The following CNTN5 variants were observed in gnomAD, a reference collection of about 807,000 sequenced individuals.
The protein encoded by CNTN5 is contactin-5.
In CNTN5, 77 loss-of-function variants were observed where a neutral mutation model predicts 129.1. The ratio of observed to expected loss-of-function variants is 0.60; its 90% CI spans 0.50 to 0.72. CNTN5 has a LOEUF of 0.72. Among genes scored for constraint, CNTN5 ranks in the 30% least tolerant of loss-of-function variants. CNTN5 has a pLI of 0.00. For synonymous variants in CNTN5, 509 were observed against 465.6 expected (o/e 1.09, Z -1.20); for missense variants, 1,478 against 1,328.8 (o/e 1.11, Z -1.75).
chr11:100,076,750 T>G (rs1486308953), intron 13 of CNTN5, among the ~76,000 whole-genome samples: 1 of 152,052 alleles, frequency 6.6e-6, no homozygotes, highest in Non-Finnish European at 1.5e-5. Flanking sequence ...GATCTACATG[T>G]TTTAGGTCAA....
intron 3 of CNTN5, among the ~76,000 whole-genome samples, chr11:99,699,921 C>G (rs1432150447): frequency 1.3e-5 from 2 of 151,484 alleles, no homozygotes; most frequent in East Asian, 3.9e-4. Flanking sequence ...GTGCTTCATT[C>G]CACTGAGAGC....
chr11:99,767,410 T>A (rs528135794), intron 3 of CNTN5, among the ~76,000 whole-genome samples: 1 of 152,224 alleles, frequency 6.6e-6, no homozygotes, highest in East Asian at 1.9e-4. Context: ...AAAAGAAAGC[T>A]GGTGTCAACA....
At chr11:99,123,337 T>A (rs1858452617) in intron 1 of CNTN5, among the ~76,000 whole-genome samples, 1 of 152,114 alleles carries the variant, frequency 6.6e-6, no homozygotes, top group Non-Finnish European at 1.5e-5. Context: ...TGGCCACATG[T>A]ATGTCTTCTT....
intron 1 of CNTN5, among the ~76,000 whole-genome samples, chr11:99,161,825 C>T (rs762170531): frequency 1.3e-5 from 2 of 152,130 alleles, no homozygotes; most frequent in Non-Finnish European, 2.9e-5. Flanking sequence ...AAGAAACTTG[C>T]TAATATCATA....
intron 3 of CNTN5, among the ~76,000 whole-genome samples, chr11:99,762,381 G>A (rs1944611109): frequency 6.6e-6 from 1 of 151,978 alleles, no homozygotes; most frequent in Non-Finnish European, 1.5e-5. Flanking sequence ...TTTTCTTTTA[G>A]GGTTTTTATG....
intron 1 of CNTN5, among the ~76,000 whole-genome samples, chr11:99,159,438 C>A (rs996016077): frequency 2.0e-5 from 3 of 151,890 alleles, no homozygotes; most frequent in African/African-American, 7.3e-5. Context: ...CTGGCTAACG[C>A]GGTGAAGCCC....
chr11:99,496,005 T>TAC (rs1219664885), intron 2 of CNTN5, among the ~76,000 whole-genome samples: 1 of 152,146 alleles, frequency 6.6e-6, no homozygotes, highest in African/African-American at 2.4e-5. Flanking sequence ...TGGGAAAGGG[T>TAC]ACACATTTTT....
intron 3 of CNTN5, among the ~76,000 whole-genome samples, chr11:99,663,454 C>A (rs373673054): frequency 1.3e-5 from 2 of 152,054 alleles, no homozygotes; most frequent in Admixed American, 1.3e-4. Flanking sequence ...GGTAACAGAG[C>A]GAGACTCCGT....
chr11:99,032,795 G>T (rs1054578198), intron 1 of CNTN5, among the ~76,000 whole-genome samples: 2 of 148,160 alleles, frequency 1.3e-5, no homozygotes, highest in African/African-American at 2.6e-5. Context: ...GTCAATTTTG[G>T]CTTTTGTTGC....
At chr11:100,244,745 A>T (rs1254310057) in intron 16 of CNTN5, among the ~76,000 whole-genome samples, 4 of 152,164 alleles carry the variant, frequency 2.6e-5, no homozygotes, top group Non-Finnish European at 2.9e-5. Flanking sequence ...TGATAATTTC[A>T]TTATCCTATT....
chr11:99,925,259 G>A (rs540564765), intron 7 of CNTN5, among the ~76,000 whole-genome samples: 12 of 152,268 alleles, frequency 7.9e-5, no homozygotes, highest in Admixed American at 2.6e-4. Flanking sequence ...AGTAGGAAGC[G>A]CCAAGGCAAC....
chr11:99,620,106 T>G (rs552459186), intron 3 of CNTN5, among the ~76,000 whole-genome samples: 1 of 151,994 alleles, frequency 6.6e-6, no homozygotes, highest in South Asian at 2.1e-4. Context: ...TTCATTAAAC[T>G]TAAATTTTAA....
intron 1 of CNTN5, among the ~76,000 whole-genome samples, chr11:99,215,329 G>A (rs1860060384): frequency 6.6e-6 from 1 of 152,160 alleles, no homozygotes; most frequent in Non-Finnish European, 1.5e-5. Context: ...AGAGAGCAAT[G>A]AGGAGGCTGC....
intron 3 of CNTN5, among the ~76,000 whole-genome samples, chr11:99,784,975 A>AT (rs1402949806): frequency 6.6e-6 from 1 of 151,360 alleles, no homozygotes; most frequent in African/African-American, 2.4e-5. Context: ...AATTTTTTGT[A>AT]TTTTTAGTAG....
chr11:100,298,735 CA>C (rs1212178564), intron 19 of CNTN5, among the ~76,000 whole-genome samples: 1 of 151,198 alleles, frequency 6.6e-6, no homozygotes, highest in South Asian at 2.1e-4. Flanking sequence ...AAGCACACTA[CA>C]AAAAAGGTTT....
chr11:99,827,268 T>G (rs1193923275), intron 4 of CNTN5, among the ~76,000 whole-genome samples: 2 of 152,076 alleles, frequency 1.3e-5, no homozygotes, highest in Non-Finnish European at 2.9e-5. Flanking sequence ...TTGTGTTTTT[T>G]GGTAGAGATA....
At chr11:99,673,266 T>G (rs1282600058) in intron 3 of CNTN5, among the ~76,000 whole-genome samples, 1 of 152,140 alleles carries the variant, frequency 6.6e-6, no homozygotes, top group Non-Finnish European at 1.5e-5. Flanking sequence ...AGTCTAATTT[T>G]ATGGGCATCA....
intron 3 of CNTN5, among the ~76,000 whole-genome samples, chr11:99,737,503 T>G (rs1383602932): frequency 6.6e-6 from 1 of 152,176 alleles, no homozygotes; most frequent in Non-Finnish European, 1.5e-5. Context: ...AGAATTTATT[T>G]CTTGGTGTCT....
intron 6 of CNTN5, among the ~76,000 whole-genome samples, chr11:99,898,784 C>T (rs1028719190): frequency 3.3e-5 from 5 of 151,742 alleles, no homozygotes; most frequent in Non-Finnish European, 7.4e-5. Context: ...CTGAGTTTAG[C>T]AGATATAGAA....
Sources: allele counts gnomAD v4.1 joint callset (sites outside exome capture counted in the v4.1 genomes callset), GRCh38; gene constraint gnomAD v4.1.1; transcripts MANE v1.5; gene names NCBI Gene and HGNC (gene_info 2026-07-23, HGNC 2026-07-21).